CTNNA3: variants seen among roughly 807,000 people sequenced by gnomAD.
The protein encoded by CTNNA3 is catenin alpha 3.
In CTNNA3, 76 loss-of-function variants were observed where a neutral mutation model predicts 95.7. That is an observed-to-expected ratio of 0.79 (90% confidence interval 0.66 to 0.96). The LOEUF (loss-of-function observed/expected upper bound fraction) is 0.96. Among genes scored for constraint, CTNNA3 ranks in the 40% least tolerant of loss-of-function variants. CTNNA3 has a pLI of 0.00. For missense variants in CTNNA3, 1,191 were observed against 1,089.8 expected, an observed-to-expected ratio of 1.09 and a Z score of -1.31; for synonymous variants, 431 against 374.4, an observed-to-expected ratio of 1.15 and a Z score of -1.74.
chr10:67,233,916 A>C (rs1306813735), intron 5 of CTNNA3, among the ~76,000 whole-genome samples: 3 of 152,242 alleles, frequency 2.0e-5, no homozygotes, highest in African/African-American at 7.2e-5. Context: ...ATCTAGAAGA[A>C]ACGGATAAAT....
chr10:67,493,722 C>T (rs911956663), intron 5 of CTNNA3, among the ~76,000 whole-genome samples: 12 of 152,128 alleles, frequency 7.9e-5, no homozygotes, highest in Admixed American at 7.9e-4. Flanking sequence ...CTCCAGGAAA[C>T]ATTCGACTCC....
At chr10:67,416,607 CAAAA>C in intron 5 of CTNNA3, among the ~76,000 whole-genome samples, 1 of 38,348 alleles carries the variant, frequency 2.6e-5, no homozygotes, top group South Asian at 7.0e-4. Flanking sequence ...GACTCTGTCT[CAAAA>C]AAAAAAAAAA....
intron 5 of CTNNA3, among the ~76,000 whole-genome samples, chr10:67,505,845 A>G (rs916700237): frequency 6.6e-6 from 1 of 152,212 alleles, no homozygotes; most frequent in Admixed American, 6.5e-5. Flanking sequence ...TAGTGCTACC[A>G]GGTGCTATAC....
chr10:67,381,050 C>T (rs1011674289), intron 5 of CTNNA3, among the ~76,000 whole-genome samples: 2 of 152,116 alleles, frequency 1.3e-5, no homozygotes, highest in Admixed American at 6.5e-5. Context: ...TGAGTATCTC[C>T]TTGAACCAAG....
intron 7 of CTNNA3, among the ~76,000 whole-genome samples, chr10:67,028,264 T>C (rs1001526441): frequency 7.2e-5 from 11 of 152,200 alleles, no homozygotes; most frequent in African/African-American, 2.7e-4. Context: ...TATTTTGTTT[T>C]GTTATTTAAT....
intron 5 of CTNNA3, among the ~76,000 whole-genome samples, chr10:67,327,801 T>A (rs368034956): frequency 6.6e-6 from 1 of 152,140 alleles, no homozygotes. Context: ...TTCACCACAG[T>A]GGCAAAGTCA....
intron 5 of CTNNA3, among the ~76,000 whole-genome samples, chr10:67,376,743 C>T (rs1843707426): frequency 6.6e-6 from 1 of 152,168 alleles, no homozygotes; most frequent in East Asian, 1.9e-4. Context: ...AAGCTATCAA[C>T]CAGAGACTAA....
At chr10:67,091,306 T>A (rs909920479) in intron 7 of CTNNA3, among the ~76,000 whole-genome samples, 2 of 151,996 alleles carry the variant, frequency 1.3e-5, no homozygotes, top group Non-Finnish European at 2.9e-5. Flanking sequence ...TTTCTTTAAG[T>A]AAATTGAGAA....
intron 11 of CTNNA3, among the ~76,000 whole-genome samples, chr10:66,439,960 C>T (rs569955981): frequency 1.3e-5 from 2 of 152,210 alleles, no homozygotes; most frequent in South Asian, 4.1e-4. Context: ...TTATTTCATT[C>T]CTATAAAATC....
intron 13 of CTNNA3, among the ~76,000 whole-genome samples, chr10:66,104,067 T>C (rs2081779026): frequency 2.0e-5 from 3 of 152,150 alleles, no homozygotes; most frequent in Admixed American, 2.0e-4. Context: ...CCACCAGAAA[T>C]TATCAAGAAA....
intron 3 of CTNNA3, among the ~76,000 whole-genome samples, chr10:67,568,436 C>G (rs1308385565): frequency 2.0e-5 from 3 of 150,204 alleles, no homozygotes; most frequent in African/African-American, 7.5e-5. Context: ...TGTTACCTAT[C>G]TTCTCCCTGA....
Position 65,988,742 on chromosome 10 carries a change from A to G in CTNNA3, c.2215T>C (p.Ser739Pro), listed in dbSNP as rs749520849. 1.2e-6 allele frequency: 2 copies of G among 1,614,098 alleles called. No individual in the cohort carries two copies. Among genetic ancestry groups the G allele is most frequent in the Non-Finnish European group, 1.7e-6 (2 of 1,179,986 alleles). The change falls in exon 16 of 18, where the codon TCA (serine) becomes CCA (proline). Residue 739 changes from serine to proline, a missense_variant. By Grantham distance (74) the Ser-to-Pro change is moderately conservative. Coordinates refer to ENST00000433211, the MANE Select transcript of CTNNA3 (RefSeq NM_013266.4). ...TDVIYAAKMI[S>P]ESGSRMDVLA... ...ACATCCATCCTTGATCCTGATTCTG[A>G]TATCATTTTCGCTGCATAGATCACA...
intron 7 of CTNNA3, among the ~76,000 whole-genome samples, chr10:66,935,846 C>G (rs1847666010): frequency 6.7e-6 from 1 of 149,198 alleles, no homozygotes. Context: ...AAGTTTCACT[C>G]ATTAATCCTA....
chr10:66,711,880 A>G (rs1037376513), intron 9 of CTNNA3, among the ~76,000 whole-genome samples: 4 of 151,964 alleles, frequency 2.6e-5, no homozygotes, highest in African/African-American at 9.7e-5. Context: ...CTTACTTTCA[A>G]AAGTTCTTAC....
chr10:66,188,593 CTCTGTGTGTG>C lies in CTNNA3; in HGVS notation c.1885-85354_1885-85345del, dbSNP rs1423668583. Among the ~76,000 whole-genome samples, 974 of 104,584 alleles carry C rather than the reference CTCTGTGTGTG, an allele frequency of 9.3e-3. 24 individuals carry two copies. Among genetic ancestry groups the C allele is most frequent in the African/African-American group, 0.031 (884 of 28,628 alleles). The allele number at this position is 104,584 out of a possible 152,430, so 68.6% of individuals were successfully genotyped here. A position where few individuals can be genotyped will look rare whatever the true frequency, so the allele number is the denominator to read the frequency against. Reference sequence around the variant, plus strand: ...GTGTGTGTGTGGGGGGAGGGGGGGTCTCTGTGTGTGTGTGTGTGTGTGTGTGTGTGTGTGT... The same window carrying C: ...GTGTGTGTGTGGGGGGAGGGGGGGTCTGTGTGTGTGTGTGTGTGTGTGTGT... On this transcript the variant is annotated intron_variant, in intron 13 of 17. Transcript: ENST00000433211.
intron 7 of CTNNA3, among the ~76,000 whole-genome samples, chr10:66,812,194 A>G (rs1365118889): frequency 6.6e-6 from 1 of 152,168 alleles, no homozygotes; most frequent in Non-Finnish European, 1.5e-5. Context: ...AAGGCAAATG[A>G]AACCGGAGTA....
intron 10 of CTNNA3, among the ~76,000 whole-genome samples, chr10:66,569,332 A>G (rs142570188): frequency 1.8e-4 from 28 of 152,310 alleles, no homozygotes; most frequent in Non-Finnish European, 3.5e-4. Flanking sequence ...TATCAAGGTT[A>G]ATAAGAGATA....
intron 7 of CTNNA3, among the ~76,000 whole-genome samples, chr10:67,006,130 A>C (rs1415447075): frequency 2.6e-5 from 4 of 152,178 alleles, no homozygotes; most frequent in Non-Finnish European, 5.9e-5. Flanking sequence ...CTTGCAAGGT[A>C]AGAACTCCTG....
At chr10:67,392,441 C>A (rs1167530390) in intron 5 of CTNNA3, among the ~76,000 whole-genome samples, 3 of 152,222 alleles carry the variant, frequency 2.0e-5, no homozygotes, top group South Asian at 2.1e-4. Flanking sequence ...AATAGGAACA[C>A]TTTTACACTG....
Sources: allele counts gnomAD v4.1 joint callset (sites outside exome capture counted in the v4.1 genomes callset), GRCh38; gene constraint gnomAD v4.1.1; transcripts MANE v1.5; gene names NCBI Gene and HGNC (gene_info 2026-07-23, HGNC 2026-07-21).